CCNQ: variants seen among roughly 807,000 people sequenced by gnomAD.
CCNQ encodes cyclin Q, also known as cyclin-Q.
Under a neutral mutation model 17.7 loss-of-function variants are expected in CCNQ, and 3 were observed. The observed-to-expected ratio is 0.17, with a 90% confidence interval of 0.08 to 0.44. The LOEUF is 0.44. CCNQ is among the 20% of genes least tolerant of loss of function. The probability of loss-of-function intolerance (pLI) is 0.99; values close to 1 mark genes in which losing one functional copy is unlikely to be tolerated. For synonymous variants in CCNQ, 73 were observed against 96.0 expected (o/e 0.76, Z 1.40); for missense variants, 146 against 222.6 (o/e 0.66, Z 2.19).
chrX:153,593,308 C>T (rs952041047), intron 3 of CCNQ, among the ~76,000 whole-genome samples: 6 of 112,386 alleles, frequency 5.3e-5, no homozygotes, highest in Non-Finnish European at 1.1e-4. Flanking sequence ...TGCGTGTGAC[C>T]CCAGCACACC....
rs1557027864 is a variant in CCNQ at position 153,599,084 on chromosome X, G to A, written c.-11C>T. ...CTCCGGGGCTTCCATGAGGCGCCGCGGCACCGGCGGAAGGAGAGGCGGCCC... is the reference window on the plus strand; with the variant it reads ...CTCCGGGGCTTCCATGAGGCGCCGCAGCACCGGCGGAAGGAGAGGCGGCCC... On this transcript the variant is annotated 5_prime_UTR_variant, in exon 1 of 5. Transcript: ENST00000576892. The A allele has an allele frequency of 2.3e-5, 22 of 959,371 alleles. No individual in the cohort carries two copies. The highest frequency in any genetic ancestry group is 5.8e-5 in the South Asian group (2 of 34,744). The allele number at this position is 959,371 out of a possible 1,213,427, so 79.1% of individuals were successfully genotyped here.
At position 153,592,455 on chromosome X, in the gene CCNQ, G is replaced by GACTTCCAGAGGGAAAGGGGGC. The variant is rs782267075; in HGVS notation, c.657+30_657+50dup. ...AATTTGGTGAGCACTGCAATACAGA[G>GACTTCCAGAGGGAAAGGGGGC]ACTTCCAGAGGGAAAGGGGGCACGT... On this transcript the variant is annotated intron_variant, in intron 4 of 4. Transcript: ENST00000576892. The GACTTCCAGAGGGAAAGGGGGC allele has an allele frequency of 8.0e-6, 9 of 1,124,696 alleles. No individual in the cohort carries two copies. The East Asian group carries it at 2.7e-4, about 34-fold the overall frequency. 92.7% of individuals were successfully genotyped at this position (1,124,696 alleles called of 1,213,427 possible).
At chrX:153,590,470 G>A (rs914815302) in intron 4 of CCNQ, among the ~76,000 whole-genome samples, 31 of 110,178 alleles carry the variant, frequency 2.8e-4, no homozygotes, top group African/African-American at 7.6e-4. Flanking sequence ...AAGGAGAGCC[G>A]TGAACTCTGT....
At chrX:153,594,757 A>G (rs1603160713) in intron 2 of CCNQ, 78 bp from the exon 3 acceptor site, 1 of 1,061,487 alleles carries the variant, frequency 9.4e-7, no homozygotes, top group East Asian at 3.0e-5. Context: ...CTTAAGTCAC[A>G]CAATGTCCAG....
At chrX:153,590,020 G>A (rs782637319) in intron 4 of CCNQ, among the ~76,000 whole-genome samples, 12 of 109,431 alleles carry the variant, frequency 1.1e-4, no homozygotes, top group East Asian at 2.9e-4. Flanking sequence ...TGGAGGTCAC[G>A]AGTTCAAGAT....
At chrX:153,594,450 T>C in intron 3 of CCNQ, 97 bp downstream of exon 3, 2 of 1,053,814 alleles carry the variant, frequency 1.9e-6, no homozygotes, top group South Asian at 1.9e-5. Context: ...CCTTCTGTGC[T>C]GTGCTCTCGA....
In CCNQ at chrX:153,592,529, C is replaced by G. The variant is rs146203325; in HGVS notation, c.634G>C (p.Glu212Gln). 8.2e-7 allele frequency: 1 copy of G among 1,212,164 alleles called. No individual in the cohort carries two copies. The highest frequency in any genetic ancestry group is 3.0e-5 in the East Asian group (1 of 33,863). Residue 212 changes from glutamate to glutamine, a missense_variant, in exon 4 of 5, where the codon GAG (glutamate) becomes CAG (glutamine). Transcript: ENST00000576892. ...VYGVEVPAEV[E>Q]AEKPWWQVFN... is the part of the protein sequence containing the mutation. ...ACCTGCCACCACGGCTTCTCAGCCT[C>G]GACCTCGGCGGGCACCTCAACTCCG...
chrX:153,592,379 A>G, intron 4 of CCNQ, 127 bp downstream of exon 4: 2 of 700,639 alleles, frequency 2.9e-6, no homozygotes, highest in East Asian at 3.5e-5. Context: ...GGTACTTTCG[A>G]GCTTCCATGT....
At chrX:153,595,959 C>A (rs368023355) in intron 2 of CCNQ, 45 bp downstream of exon 2, 3 of 1,193,791 alleles carry the variant, frequency 2.5e-6, no homozygotes, top group Non-Finnish European at 2.3e-6. Flanking sequence ...CCCTGCCCGT[C>A]CCCCCCACCG....
chrX:153,596,635 G>A (rs1281057234), intron 1 of CCNQ, among the ~76,000 whole-genome samples: 3 of 112,851 alleles, frequency 2.7e-5, no homozygotes, highest in Admixed American at 9.3e-5. Flanking sequence ...CCACAGCTAC[G>A]ACGACAGAAA....
chrX:153,589,420 G>C (rs782368231), intron 4 of CCNQ, among the ~76,000 whole-genome samples: 6 of 113,095 alleles, frequency 5.3e-5, no homozygotes, highest in African/African-American at 1.6e-4. Context: ...CCTGGAGCCC[G>C]CCCTGTGCGC....
In CCNQ at chrX:153,588,388, T is replaced by C. The variant is rs141657773; in HGVS notation, c.724A>G (p.Thr242Ala). Residue 242 changes from threonine (T) to alanine (A), a missense_variant, in exon 5 of 5, where the codon ACC (threonine) becomes GCC (alanine). By Grantham distance (58) the Thr-to-Ala change is moderately conservative. Transcript: ENST00000576892. The stretch of plus-strand genomic sequence containing the variant: ...CCTTAGGGGATCTCTGTGTCCATGG[T>C]ATAAATCTGAATGAGATCAGACACA... ...NIVSDLIQIY[T>A]MDTEIP 3,348 of 1,208,786 alleles carry C rather than the reference T, an allele frequency of 2.8e-3. 7 individuals carry two copies. The highest frequency in any genetic ancestry group is 3.6e-3 in the Non-Finnish European group (3,203 of 893,238).
chrX:153,596,971 AAG>A (rs2091032954), intron 1 of CCNQ, among the ~76,000 whole-genome samples: 1 of 111,981 alleles, frequency 8.9e-6, no homozygotes. Flanking sequence ...CTCTACAAAA[AAG>A]AGAAAGAAAA....
In CCNQ at chrX:153,599,093, G is replaced by A; in HGVS notation, c.-20C>T. 2.3e-5 allele frequency: 21 copies of A among 895,728 alleles called. No individual in the cohort carries two copies. Among genetic ancestry groups the A allele is most frequent in the Non-Finnish European group, 3.0e-5 (21 of 703,127 alleles). 73.8% of individuals were successfully genotyped at this position (895,728 alleles called of 1,213,427 possible). On this transcript the variant is annotated 5_prime_UTR_variant, in exon 1 of 5. Coordinates refer to ENST00000576892, the MANE Select transcript of CCNQ (RefSeq NM_152274.5). ...TTCCATGAGGCGCCGCGGCACCGGCGGAAGGAGAGGCGGCCCCGGCGCGCA... is the reference window on the plus strand; with the variant it reads ...TTCCATGAGGCGCCGCGGCACCGGCAGAAGGAGAGGCGGCCCCGGCGCGCA...
chrX:153,588,180 G>A lies in CCNQ; in HGVS notation c.*185C>T, dbSNP rs1557024915. 5.6e-6 allele frequency: 3 copies of A among 533,459 alleles called. No homozygotes were observed. The highest frequency in any genetic ancestry group is 6.8e-6 in the Non-Finnish European group (2 of 292,062). The allele number at this position is 533,459 out of a possible 1,213,427, so 44.0% of individuals were successfully genotyped here. ...GGAGGCGCGGCTCCCACCATCACCT[G>A]CACCGCGACTTCTAGGGACTGGCAA... is the stretch of plus-strand genomic sequence containing the variant. On this transcript the variant is annotated 3_prime_UTR_variant, in exon 5 of 5. Transcript: ENST00000576892.
rs377294285 is a variant in CCNQ at position 153,588,162 on chromosome X, C to A, written c.*203G>T. 8 of 523,600 alleles carry A rather than the reference C, an allele frequency of 1.5e-5. No homozygotes were observed. The highest frequency in any genetic ancestry group is 2.6e-5 in the Admixed American group (1 of 37,945). The allele number at this position is 523,600 out of a possible 1,213,427, so 43.2% of individuals were successfully genotyped here. A position where few individuals can be genotyped will look rare whatever the true frequency, so the allele number is the denominator to read the frequency against. ...ACTCCCGGCCTGCCCGCTGGAGGCG[C>A]GGCTCCCACCATCACCTGCACCGCG... On this transcript the variant is annotated 3_prime_UTR_variant, in exon 5 of 5. Coordinates refer to ENST00000576892, the MANE Select transcript of CCNQ (RefSeq NM_152274.5).
chrX:153,593,443 T>C (rs1557026263), intron 3 of CCNQ, among the ~76,000 whole-genome samples: 2 of 110,034 alleles, frequency 1.8e-5, no homozygotes, highest in South Asian at 3.8e-4. Flanking sequence ...ACACACCCCT[T>C]GAGGTCTGAG....
intron 4 of CCNQ, among the ~76,000 whole-genome samples, chrX:153,588,964 G>A (rs1047552220): frequency 2.3e-4 from 26 of 113,175 alleles, no homozygotes; most frequent in African/African-American, 8.3e-4. Context: ...GGACATCCTC[G>A]GGGCCCATGG....
chrX:153,591,527 G>C (rs1557025772), intron 4 of CCNQ, among the ~76,000 whole-genome samples: 1 of 111,927 alleles, frequency 8.9e-6, no homozygotes, highest in Non-Finnish European at 1.9e-5. Context: ...AGAGCAGAAA[G>C]GAAGACAGAT....
Sources: gnomAD v4.1 joint callset for allele counts (sites outside exome capture counted in the v4.1 genomes callset) on GRCh38, gnomAD v4.1.1 for gene constraint, MANE v1.5 for transcripts, NCBI Gene and HGNC (gene_info 2026-07-23, HGNC 2026-07-21) for gene names.